Variants in APBA2 observed in about 807,000 individuals in gnomAD.
The protein encoded by APBA2 is amyloid-beta A4 precursor protein-binding family A member 2.
APBA2 carries 30 observed loss-of-function variants against 75.0 expected under a neutral mutation model. The observed-to-expected ratio is 0.40, with a 90% CI of 0.30 to 0.54. APBA2 has a LOEUF of 0.54. Ranked by LOEUF, APBA2 falls within the 20% of genes least tolerant of loss-of-function variation. The pLI is 0.49. For synonymous variants in APBA2, 444 were observed against 409.6 expected, an observed-to-expected ratio of 1.08 and a Z score of -1.01; for missense variants, 801 against 1,016.1, an observed-to-expected ratio of 0.79 and a Z score of 2.88.
At chr15:28,938,215 C>G (rs1279897379) in intron 2 of APBA2, among the ~76,000 whole-genome samples, 2 of 152,284 alleles carry the variant, frequency 1.3e-5, no homozygotes, top group African/African-American at 4.8e-5. Flanking sequence ...GTTTCTAGAC[C>G]AAAACACATA....
chr15:28,948,643 T>C (rs1223874516), intron 2 of APBA2, among the ~76,000 whole-genome samples: 1 of 152,240 alleles, frequency 6.6e-6, no homozygotes, highest in African/African-American at 2.4e-5. Flanking sequence ...TGTCGTGTTC[T>C]GTCTGTGTCA....
chr15:28,958,292 C>A (rs563621129), intron 2 of APBA2, among the ~76,000 whole-genome samples: 2 of 152,342 alleles, frequency 1.3e-5, no homozygotes, highest in African/African-American at 4.8e-5. Flanking sequence ...TTGCTTTGGA[C>A]TCACAGTGGA....
chr15:29,049,009 T>C lies in APBA2; in HGVS notation c.-40-4836T>C, dbSNP rs145387317. On this transcript the variant is annotated intron_variant, in intron 3 of 14. Transcript: ENST00000683413. ...CCAGCCATCCCAGTTCCTGTGGAAC[T>C]GAGGGTTTCCTGGGACATGAGACTT... Among the ~76,000 whole-genome samples, 695 of 152,010 alleles carry C rather than the reference T, an allele frequency of 4.6e-3. 9 individuals are homozygous for C. Among genetic ancestry groups the C allele is most frequent in the African/African-American group, 0.016 (657 of 41,442 alleles).
rs754279665 is a variant in APBA2, at chr15:29,098,488, A to G, written c.1252-2A>G. The G allele has an allele frequency of 9.9e-6, 16 of 1,612,762 alleles. No individual in the cohort carries two copies. The highest frequency in any genetic ancestry group is 1.4e-5 in the Non-Finnish European group (16 of 1,178,740). On this transcript the variant is annotated splice_acceptor_variant, in intron 8 of 14. Coordinates refer to ENST00000683413, the MANE Select transcript of APBA2 (RefSeq NM_001353788.2). LOFTEE classifies it high-confidence loss of function. Reference sequence around the variant, plus strand: ...TTTAACAATATCCACTGTCCTTCTTAGAATTCTGAGGGGGATGCCCAGACG... The same window carrying G: ...TTTAACAATATCCACTGTCCTTCTTGGAATTCTGAGGGGGATGCCCAGACG...
intron 14 of APBA2, among the ~76,000 whole-genome samples, chr15:29,115,979 G>C (rs111354367): frequency 0.061 from 9,214 of 152,252 alleles, 843 homozygotes; most frequent in African/African-American, 0.2. Context: ...CCCCCCATCC[G>C]GAGGCCGCAG....
intron 2 of APBA2, among the ~76,000 whole-genome samples, chr15:28,977,792 CAG>C (rs1342328990): frequency 6.6e-6 from 1 of 152,156 alleles, no homozygotes; most frequent in African/African-American, 2.4e-5. Context: ...TTGCCTAGTA[CAG>C]AAATGCTGAG....
chr15:29,091,993 G>C (rs1232830006), intron 6 of APBA2, among the ~76,000 whole-genome samples: 1 of 152,206 alleles, frequency 6.6e-6, no homozygotes, highest in Non-Finnish European at 1.5e-5. Context: ...TAAAGCAGGT[G>C]ACATGGCCAA....
At chr15:29,056,963 C>A (rs150102518) in intron 4 of APBA2, among the ~76,000 whole-genome samples, 1 of 152,012 alleles carries the variant, frequency 6.6e-6, no homozygotes, top group African/African-American at 2.4e-5. Context: ...CTTGAAATAA[C>A]AACCTGCTTT....
intron 3 of APBA2, among the ~76,000 whole-genome samples, chr15:29,026,349 G>T (rs2040222813): frequency 6.6e-6 from 1 of 152,180 alleles, no homozygotes; most frequent in African/African-American, 2.4e-5. Context: ...CCCTACAGCT[G>T]GTGACAGCTT....
chr15:29,078,163 T>C (rs1200855183), intron 6 of APBA2, among the ~76,000 whole-genome samples: 3 of 151,876 alleles, frequency 2.0e-5, no homozygotes, highest in African/African-American at 7.3e-5. Context: ...GGCGTGATGC[T>C]GAGCACCTAT....
chr15:29,090,938 A>G (rs909525981), intron 6 of APBA2, among the ~76,000 whole-genome samples: 2 of 151,522 alleles, frequency 1.3e-5, no homozygotes, highest in Admixed American at 1.3e-4. Flanking sequence ...CACGCTCTCC[A>G]AGCCCCCCAG....
intron 3 of APBA2, among the ~76,000 whole-genome samples, chr15:29,041,484 G>A (rs868259511): frequency 0.058 from 3,424 of 58,654 alleles, 25 homozygotes; most frequent in Non-Finnish European, 0.079. Context: ...CCCTGTCTCA[G>A]AAAAAAAAAA....
intron 1 of APBA2, among the ~76,000 whole-genome samples, chr15:28,905,133 T>C (rs2033073727): frequency 6.6e-6 from 1 of 152,182 alleles, no homozygotes; most frequent in African/African-American, 2.4e-5. Flanking sequence ...CTTTTGAAGC[T>C]TGGCCTGGTG....
At chr15:28,963,617 T>C (rs2036587513) in intron 2 of APBA2, among the ~76,000 whole-genome samples, 1 of 152,230 alleles carries the variant, frequency 6.6e-6, no homozygotes, top group Non-Finnish European at 1.5e-5. Context: ...AAGGTCTCTT[T>C]GACAACATAA....
rs948021912 is a variant in APBA2 at position 29,046,804 on chromosome 15, T to A, written c.-40-7041T>A. Among the ~76,000 whole-genome samples the A allele has an allele frequency of 1.9e-4, 29 of 152,136 alleles. No individual in the cohort carries two copies. The highest frequency in any genetic ancestry group is 6.8e-4 in the African/African-American group (28 of 41,426). ...TCAGTCCCTCCAAGATGCACCCATATCCCACTGCAGGGATGCAATTTGCAT... is the reference window on the plus strand; with the variant it reads ...TCAGTCCCTCCAAGATGCACCCATAACCCACTGCAGGGATGCAATTTGCAT... On this transcript the variant is annotated intron_variant, in intron 3 of 14. Transcript: ENST00000683413. This position sits in a 1 kb window ranked among gnomAD's most constrained non-coding sequence, Gnocchi z 5.0.
chr15:28,982,131 G>A (rs142024984), intron 2 of APBA2, among the ~76,000 whole-genome samples: 179 of 152,302 alleles, frequency 1.2e-3, no homozygotes, highest in African/African-American at 4.2e-3. Flanking sequence ...AAACCTGCAC[G>A]TGGACTCCCT....
At chr15:28,908,700 C>G (rs1316434704) in intron 1 of APBA2, among the ~76,000 whole-genome samples, 3 of 152,134 alleles carry the variant, frequency 2.0e-5, no homozygotes, top group East Asian at 1.9e-4. Context: ...CTGAGAGAAT[C>G]GGCTGGTGAG....
At chr15:29,043,931 AATGCTTGGGCTGATT>A (rs2041176967) in intron 3 of APBA2, among the ~76,000 whole-genome samples, 1 of 152,186 alleles carries the variant, frequency 6.6e-6, no homozygotes, top group South Asian at 2.1e-4. Context: ...TTTTGTCTGG[AATGCTTGGGCTGATT>A]ATACAAGCAT....
chr15:29,000,705 C>T lies in APBA2; in HGVS notation c.-41+4899C>T, dbSNP rs145426860. Reference sequence around the variant, plus strand: ...TCCAGGGCTCAATCAACCCTCCCTCCTTGGCCTCCTGAGTAGCAGGGACTA... The same window carrying T: ...TCCAGGGCTCAATCAACCCTCCCTCTTTGGCCTCCTGAGTAGCAGGGACTA... On this transcript the variant is annotated intron_variant, in intron 3 of 14. Transcript: ENST00000683413. Among the ~76,000 whole-genome samples the T allele has an allele frequency of 3.3e-5, 5 of 152,226 alleles. No homozygotes were observed. In the East Asian group the frequency reaches 7.7e-4, roughly 24 times the overall value.
Sources: allele counts gnomAD v4.1 joint callset (sites outside exome capture counted in the v4.1 genomes callset), GRCh38; gene constraint gnomAD v4.1.1; non-coding constraint Gnocchi (gnomAD v3.1); transcripts MANE v1.5; gene names NCBI Gene and HGNC (gene_info 2026-07-23, HGNC 2026-07-21).